ARHGEF1: variants seen among roughly 807,000 people sequenced by gnomAD.
ARHGEF1 encodes the protein Rho guanine nucleotide exchange factor 1.
In ARHGEF1, 40 loss-of-function variants were observed where a neutral mutation model predicts 119.7. The ratio of observed to expected loss-of-function variants is 0.33; its 90% CI spans 0.26 to 0.44. The LOEUF (loss-of-function observed/expected upper bound fraction) is 0.44, where lower values mean the gene tolerates loss of function less well. ARHGEF1 is among the 20% of genes least tolerant of loss of function. The pLI, the probability that ARHGEF1 is intolerant of heterozygous loss-of-function variation, is 1.00. For synonymous variants in ARHGEF1, 494 were observed against 521.0 expected, an observed-to-expected ratio of 0.95 and a Z score of 0.71; for missense variants, 976 against 1,268.3, an observed-to-expected ratio of 0.77 and a Z score of 3.50.
downstream of ARHGEF1, chr19:41,909,312 C>T (rs1277749627): frequency 1.6e-6 from 2 of 1,234,652 alleles, no homozygotes; most frequent in East Asian, 3.2e-5. The surrounding 1 kb of genome is among the most constrained non-coding windows in gnomAD (Gnocchi z 5.2). Flanking sequence ...GCCCTGGGGC[C>T]CCCCCAAAGG....
Position 41,902,727 on chromosome 19 carries a change from G to A in ARHGEF1, c.1624-57G>A. The A allele has an allele frequency of 6.2e-7, 1 of 1,613,144 alleles. No homozygotes were observed. The highest frequency in any genetic ancestry group is 8.5e-7 in the Non-Finnish European group (1 of 1,179,618). ...TGGAGACCCAGACTCCTAGGTGCCT[G>A]CGCCCTGGGGTGAGCCCAAAGCCTG... On this transcript the variant is annotated intron_variant, in intron 17 of 28. Coordinates refer to ENST00000354532, the MANE Select transcript of ARHGEF1 (RefSeq NM_004706.4). The surrounding 1 kb of genome is among the most constrained non-coding windows in gnomAD (Gnocchi z 6.5).
In ARHGEF1 at chr19:41,904,655, T is replaced by C. The variant is rs1744328073; in HGVS notation, c.2161+272T>C. 6.6e-6 allele frequency among the ~76,000 whole-genome samples: 1 copy of C among 152,078 alleles called. No individual in the cohort carries two copies. The highest frequency in any genetic ancestry group is 6.5e-5 in the Admixed American group (1 of 15,272). On this transcript the variant is annotated intron_variant, in intron 22 of 28. Transcript: ENST00000354532. The surrounding 1 kb of genome is among the most constrained non-coding windows in gnomAD (Gnocchi z 8.4). ...AGTGAGGAGGGATTTGTAAACATAC[T>C]ACTAGGAAGTTGCACCAGGGCCACA...
downstream of ARHGEF1, among the ~76,000 whole-genome samples, chr19:41,912,442 C>G: frequency 6.6e-6 from 1 of 152,204 alleles, no homozygotes; most frequent in African/African-American, 2.4e-5. Flanking sequence ...TGCACGTACC[C>G]CTGACTGGGC....
chr19:41,894,698 C>T, intron 11 of ARHGEF1, 37 bp downstream of exon 11: 1 of 1,612,020 alleles, frequency 6.2e-7, no homozygotes, highest in Non-Finnish European at 8.5e-7. Flanking sequence ...ATACTGGGGG[C>T]CTGTGTGGGA....
intron 13 of ARHGEF1, 99 bp from the exon 14 acceptor site, chr19:41,898,343 A>G (rs1249020538): frequency 6.5e-7 from 1 of 1,527,610 alleles, no homozygotes; most frequent in African/African-American, 1.4e-5. Flanking sequence ...GCGGGCATCG[A>G]ATGCCAAGGC....
chr19:41,884,493 G>C lies in ARHGEF1; in HGVS notation c.-20+1204G>C, dbSNP rs1351367609. 4.4e-6 allele frequency: 7 copies of C among 1,607,332 alleles called. 1 individual carries two copies. The highest frequency in any genetic ancestry group is 3.3e-4 in the Middle Eastern group (2 of 6,078). On this transcript the variant is annotated intron_variant, in intron 1 of 28. Coordinates refer to ENST00000354532, the MANE Select transcript of ARHGEF1 (RefSeq NM_004706.4). ...ATGGCTTCTCTTTCCACCTGGAGCA[G>C]GTGAGGGACGCGGTCCCCAGCGGGT...
At chr19:41,894,141 T>TGTGTGTGTGTGTGA (rs2074435537) in intron 8 of ARHGEF1, 66 bp from the exon 9 acceptor site, 1 of 843,024 alleles carries the variant, frequency 1.2e-6, no homozygotes, top group Admixed American at 3.0e-5. Flanking sequence ...TGTGAGTGTG[T>TGTGTGTGTGTGTGA]GTGTGTGTGT....
chr19:41,892,783 G>C lies in ARHGEF1; in HGVS notation c.548G>C (p.Arg183Pro), dbSNP rs781803561. Reference sequence around the variant, plus strand: ...CTGGAGGCTTGGGTTGGGCGGGACCGAGCCAGCTACGAGGCCCGGGAGCGG... The same window carrying C: ...CTGGAGGCTTGGGTTGGGCGGGACCCAGCCAGCTACGAGGCCCGGGAGCGG... Reference protein sequence around the residue: ...AQLEAWVGRDRASYEARERHV... With the variant: ...AQLEAWVGRDPASYEARERHV... Residue 183 changes from arginine to proline, a missense_variant, in exon 7 of 29, where the codon CGA (arginine) becomes CCA (proline). Arg to Pro is a moderately radical substitution (Grantham distance 103). This residue lies in a region of ARHGEF1 where 519 missense variants were observed against 580.9 expected (regional missense o/e 0.89). Transcript: ENST00000354532. This position sits in a 1 kb window ranked among gnomAD's most constrained non-coding sequence, Gnocchi z 6.3. 6.2e-7 allele frequency: 1 copy of C among 1,601,376 alleles called. No homozygotes were observed. The highest frequency in any genetic ancestry group is 1.7e-4 in the Middle Eastern group (1 of 5,992).
downstream of ARHGEF1, chr19:41,909,530 G>A: frequency 8.3e-7 from 1 of 1,200,822 alleles, no homozygotes; most frequent in Non-Finnish European, 1.1e-6. The surrounding 1 kb of genome is among the most constrained non-coding windows in gnomAD (Gnocchi z 5.2). Context: ...CGGGATCTGG[G>A]GTTTCTTAAT....
In ARHGEF1 at chr19:41,905,765, G is replaced by A. The variant is rs1412550983; in HGVS notation, c.2342G>A (p.Arg781Gln). The change falls in exon 25 of 29, where the codon CGA (arginine) becomes CAA (glutamine). Residue 781 changes from arginine (R) to glutamine (Q), a missense_variant. This residue lies in a region of ARHGEF1 where 171 missense variants were observed against 180.6 expected (regional missense o/e 0.95). Transcript: ENST00000354532. The surrounding 1 kb of genome is among the most constrained non-coding windows in gnomAD (Gnocchi z 6.4). ...CCAGCACTTCCTCCCCTCAGCACCCGAGAACCCCTCCTCAGCAGCTCTGAG... is the reference window on the plus strand; with the variant it reads ...CCAGCACTTCCTCCCCTCAGCACCCAAGAACCCCTCCTCAGCAGCTCTGAG... Reference protein sequence around the residue: ...PKPRPSPSSTREPLLSSSENG... With the variant: ...PKPRPSPSSTQEPLLSSSENG... The A allele has an allele frequency of 4.3e-6, 7 of 1,613,872 alleles. No individual in the cohort carries two copies. The highest frequency in any genetic ancestry group is 1.3e-5 in the African/African-American group (1 of 74,900).
chr19:41,909,066 C>T, downstream of ARHGEF1: 1 of 1,231,436 alleles, frequency 8.1e-7, no homozygotes, highest in Non-Finnish European at 1.0e-6. The surrounding 1 kb of genome is among the most constrained non-coding windows in gnomAD (Gnocchi z 5.2). Context: ...TTACCAGAGC[C>T]CAGGAATGGG....
chr19:41,909,651 G>A (rs1467336824), downstream of ARHGEF1, among the ~76,000 whole-genome samples: 6 of 152,072 alleles, frequency 3.9e-5, no homozygotes, highest in East Asian at 1.9e-4. The surrounding 1 kb of genome is among the most constrained non-coding windows in gnomAD (Gnocchi z 5.2). Flanking sequence ...AGGCAGGAGC[G>A]GGGACCCTGC....
Position 41,916,022 on chromosome 19 carries a change from CT to C in ARHGEF1, c.1866-7068del, listed in dbSNP as rs781910072. Among the ~76,000 whole-genome samples, 960 of 152,202 alleles carry C rather than the reference CT, an allele frequency of 6.3e-3. 11 individuals are homozygous for C. Among genetic ancestry groups the C allele is most frequent in the African/African-American group, 0.018 (737 of 41,506 alleles). On this transcript the variant is annotated intron_variant, in intron 18 of 20. Transcript: ENST00000599589. This position sits in a 1 kb window ranked among gnomAD's most constrained non-coding sequence, Gnocchi z 5.4. ...TTTTATTTTGCTTCCTCCACCCCCC[CT>C]TCGCCCCCCATCTCTACCGCCCGCA...
At chr19:41,923,032 G>T, upstream of ARHGEF1, 1 of 406,666 alleles carries the variant, frequency 2.5e-6, no homozygotes, top group Admixed American at 2.8e-5. Context: ...GAGGGGGCTG[G>T]GGGAACCCAC....
At chr19:41,884,473 TTC>T in intron 1 of ARHGEF1, 1 of 1,607,534 alleles carries the variant, frequency 6.2e-7, no homozygotes, top group South Asian at 1.1e-5. Context: ...CGGCGATGGC[TTC>T]TCTTTCCACC....
rs369141676 is a variant in ARHGEF1, at chr19:41,927,834, C to G, written c.141-997C>G. ...CCCTGTCCCGAGGCCGCACCTCTAG[C>G]GCTACCCGCCTCCCACCTTCCCAGA... is the stretch of plus-strand genomic sequence containing the variant. On this transcript the variant is annotated intron_variant, in intron 1 of 2. Coordinates refer to the ARHGEF1 transcript ENST00000594417. 2.0e-4 allele frequency among the ~76,000 whole-genome samples: 30 copies of G among 151,546 alleles called. No individual in the cohort carries two copies. In the East Asian group the frequency reaches 5.5e-3, roughly 28 times the overall value.
chr19:41,884,430 G>T, intron 1 of ARHGEF1: 1 of 1,602,602 alleles, frequency 6.2e-7, no homozygotes. Context: ...GGGAGAGTGC[G>T]GAGCCCGAGC....
chr19:41,925,796 G>A (rs782622807), intron 1 of ARHGEF1, among the ~76,000 whole-genome samples: 1 of 152,134 alleles, frequency 6.6e-6, no homozygotes, highest in Non-Finnish European at 1.5e-5. Context: ...GTGCTCTTAG[G>A]TGACCTGTGT....
chr19:41,924,464 TCA>T (rs1157689513), intron 1 of ARHGEF1, among the ~76,000 whole-genome samples: 1 of 152,044 alleles, frequency 6.6e-6, no homozygotes, highest in Non-Finnish European at 1.5e-5. Flanking sequence ...TTGGTGTCTG[TCA>T]CAGAGATGGA....
Sources: allele counts gnomAD v4.1 joint callset (sites outside exome capture counted in the v4.1 genomes callset), GRCh38; gene constraint gnomAD v4.1.1; regional missense constraint gnomAD v4.1.1; non-coding constraint Gnocchi (gnomAD v3.1); transcripts MANE v1.5; gene names NCBI Gene and HGNC (gene_info 2026-07-23, HGNC 2026-07-21).